Variants in HK1 observed in about 807,000 individuals in gnomAD.
HK1 encodes the protein hexokinase-1.
Under a neutral mutation model 91.6 loss-of-function variants are expected in HK1, and 28 were observed. That is an observed-to-expected ratio of 0.31 (90% CI 0.23 to 0.42). HK1 has a LOEUF of 0.42. HK1 is among the 10% of genes least tolerant of loss of function. The pLI is 1.00. For missense variants in HK1, 770 were observed against 1,219.8 expected, an observed-to-expected ratio of 0.63 and a Z score of 5.49; for synonymous variants, 430 against 468.1, an observed-to-expected ratio of 0.92 and a Z score of 1.05.
intron 3 of HK1, among the ~76,000 whole-genome samples, chr10:69,362,826 C>G (rs753283977): frequency 6.6e-6 from 1 of 152,126 alleles, no homozygotes; most frequent in Non-Finnish European, 1.5e-5. Flanking sequence ...CAATGTAGGT[C>G]GCAGGAAGCT....
chr10:69,276,375 C>G (rs1844474630), intron 1 of HK1, among the ~76,000 whole-genome samples: 1 of 151,282 alleles, frequency 6.6e-6, no homozygotes, highest in Non-Finnish European at 1.5e-5. Context: ...ATATTAACAT[C>G]TGGCCAGGCA....
chr10:69,364,743 C>T (rs762733992), intron 3 of HK1, 40 bp from the exon 4 acceptor site: 2 of 1,613,808 alleles, frequency 1.2e-6, no homozygotes, highest in South Asian at 2.2e-5. Flanking sequence ...AATGCTAAGC[C>T]TGCTTTGGGG....
intron 2 of HK1, chr10:69,288,618 A>G: frequency 1.1e-6 from 1 of 878,708 alleles, no homozygotes; most frequent in Non-Finnish European, 2.0e-6. Context: ...GAGGACAAAA[A>G]TGAGACCGAC....
At chr10:69,300,538 G>A (rs927348618) in intron 4 of HK1, 2 of 706,790 alleles carry the variant, frequency 2.8e-6, no homozygotes, top group Non-Finnish European at 5.0e-6. Context: ...CTGGCCAGAT[G>A]GAAGCAGATT....
intron 5 of HK1, among the ~76,000 whole-genome samples, chr10:69,307,386 T>G (rs1420204842): frequency 6.6e-6 from 1 of 152,176 alleles, no homozygotes; most frequent in Non-Finnish European, 1.5e-5. Flanking sequence ...AAAGGAACTC[T>G]GCAGGGCCCA....
chr10:69,386,189 C>G, intron 12 of HK1, 134 bp from the exon 13 acceptor site: 1 of 727,680 alleles, frequency 1.4e-6, no homozygotes, highest in Non-Finnish European at 2.5e-6. Context: ...TTGGTTTGTC[C>G]TCAGATGTTT....
At chr10:69,395,964 T>C (rs1840115639) in intron 16 of HK1, among the ~76,000 whole-genome samples, 1 of 152,134 alleles carries the variant, frequency 6.6e-6, no homozygotes, top group East Asian at 1.9e-4. Flanking sequence ...AGAATGGTCA[T>C]AATAACCTAA....
intron 7 of HK1, among the ~76,000 whole-genome samples, chr10:69,371,355 A>G (rs1849994146): frequency 8.2e-6 from 1 of 121,794 alleles, no homozygotes; most frequent in Non-Finnish European, 1.6e-5. Flanking sequence ...CCCCACTGGC[A>G]TGACATGAAC....
Position 69,401,207 on chromosome 10 carries a change from C to T in HK1, c.*72C>T, listed in dbSNP as rs1262244648. 5.2e-6 allele frequency: 8 copies of T among 1,544,392 alleles called. No homozygotes were observed. Among genetic ancestry groups the T allele is most frequent in the African/African-American group, 1.4e-5 (1 of 73,104 alleles). On this transcript the variant is annotated 3_prime_UTR_variant, in exon 18 of 18. Transcript: ENST00000359426. ...AAGCGGCGACCCCCTACCCTCCCAGCGAGTTGCGCTGGGAGACGCTGGCGC... is the reference window on the plus strand; with the variant it reads ...AAGCGGCGACCCCCTACCCTCCCAGTGAGTTGCGCTGGGAGACGCTGGCGC...
At chr10:69,394,801 G>A in intron 15 of HK1, 149 bp from the exon 16 acceptor site, 1 of 768,992 alleles carries the variant, frequency 1.3e-6, no homozygotes, top group Non-Finnish European at 2.3e-6. Flanking sequence ...CTCCCACTCT[G>A]CCTCTGCGGC....
chr10:69,346,234 A>G (rs1848552667), intron 2 of HK1, among the ~76,000 whole-genome samples: 1 of 152,204 alleles, frequency 6.6e-6, no homozygotes, highest in Non-Finnish European at 1.5e-5. Context: ...CACTGCTTCA[A>G]CTGTAGTAAT....
intron 2 of HK1, among the ~76,000 whole-genome samples, chr10:69,348,252 G>A (rs1338293734): frequency 6.6e-6 from 1 of 152,070 alleles, no homozygotes; most frequent in East Asian, 1.9e-4. Flanking sequence ...CTTTTTTCAT[G>A]CAAAGCAGAG....
chr10:69,359,614 A>G lies in HK1; in HGVS notation c.227-283A>G, dbSNP rs543994725. Among the ~76,000 whole-genome samples the G allele has an allele frequency of 7.2e-5, 11 of 152,352 alleles. No homozygotes were observed. In the South Asian group the frequency reaches 1.9e-3, roughly 26 times the overall value. On this transcript the variant is annotated intron_variant, in intron 2 of 17. Coordinates refer to ENST00000359426, the MANE Select transcript of HK1 (RefSeq NM_000188.3). The stretch of plus-strand genomic sequence containing the variant: ...AGAGAAACATGGGGTGGGAATTTGT[A>G]CTTAATTCAGTACTTCCATTCCCCT...
chr10:69,276,673 A>G (rs1180548040), intron 1 of HK1, among the ~76,000 whole-genome samples: 2 of 151,552 alleles, frequency 1.3e-5, no homozygotes, highest in Non-Finnish European at 2.9e-5. Context: ...AAAAATTAAT[A>G]TCTTAATTTT....
intron 7 of HK1, among the ~76,000 whole-genome samples, chr10:69,375,914 G>A (rs1839077016): frequency 6.6e-6 from 1 of 152,186 alleles, no homozygotes; most frequent in South Asian, 2.1e-4. Context: ...GGCTCATTCT[G>A]TCATTGGTCG....
At chr10:69,280,481 G>T (rs889861855) in intron 1 of HK1, among the ~76,000 whole-genome samples, 2 of 152,182 alleles carry the variant, frequency 1.3e-5, no homozygotes, top group African/African-American at 4.8e-5. Context: ...GGGTGCTATG[G>T]TCTGCATGTT....
intron 15 of HK1, among the ~76,000 whole-genome samples, chr10:69,392,815 C>A (rs141763188): frequency 1.0e-3 from 153 of 152,288 alleles, no homozygotes; most frequent in South Asian, 2.1e-3. Context: ...TCCTCTGCCA[C>A]GGCCAGGATG....
chr10:69,383,534 G>A (rs1466792999), intron 10 of HK1, among the ~76,000 whole-genome samples: 2 of 152,240 alleles, frequency 1.3e-5, no homozygotes, highest in African/African-American at 4.8e-5. Context: ...ACACTTAGTG[G>A]CTTAAAACAA....
intron 2 of HK1, among the ~76,000 whole-genome samples, chr10:69,284,926 C>G (rs2132441485): frequency 6.6e-6 from 1 of 152,222 alleles, no homozygotes; most frequent in South Asian, 2.1e-4. Context: ...ACGCCATTCT[C>G]CTGCCTCAGC....
Sources: gnomAD v4.1 joint callset for allele counts (sites outside exome capture counted in the v4.1 genomes callset) on GRCh38, gnomAD v4.1.1 for gene constraint, MANE v1.5 for transcripts, NCBI Gene and HGNC (gene_info 2026-07-23, HGNC 2026-07-21) for gene names.